ZEB1: variants seen among roughly 807,000 people sequenced by gnomAD.
ZEB1 encodes the protein zinc finger E-box binding homeobox 1, also known as zinc finger E-box-binding homeobox 1.
In ZEB1, 21 loss-of-function variants were observed where a neutral mutation model predicts 84.9. The ratio of observed to expected loss-of-function variants is 0.25; its 90% CI spans 0.18 to 0.36. The LOEUF (loss-of-function observed/expected upper bound fraction) is 0.36, where lower values mean the gene tolerates loss of function less well. Among genes scored for constraint, ZEB1 ranks in the 10% least tolerant of loss-of-function variants. ZEB1 has a pLI of 1.00. For missense variants in ZEB1, 1,104 were observed against 1,330.2 expected, an observed-to-expected ratio of 0.83 and a Z score of 2.65; for synonymous variants, 420 against 471.1, an observed-to-expected ratio of 0.89 and a Z score of 1.41.
Position 31,526,867 on chromosome 10 carries a change from G to A in ZEB1, c.2981G>A (p.Arg994His), listed in dbSNP as rs757576520. The A allele has an allele frequency of 1.7e-5, 28 of 1,614,166 alleles. No individual in the cohort carries two copies. Among genetic ancestry groups the A allele is most frequent in the East Asian group, 2.2e-5 (1 of 44,852 alleles). ...YSYCKREAEE[R>H]DSTEQEEAGP... ...TACTGTAAGAGAGAAGCGGAAGAAC[G>A]TGACAGCACAGAGCAGGAAGAGGCA... Residue 994 changes from arginine to histidine, a missense_variant, in exon 9 of 9, where the codon CGT becomes CAT. Coordinates refer to ENST00000424869, the MANE Select transcript of ZEB1 (RefSeq NM_001174096.2).
intron 1 of ZEB1, among the ~76,000 whole-genome samples, chr10:31,459,936 T>C (rs1445675837): frequency 6.6e-6 from 1 of 151,344 alleles, no homozygotes; most frequent in Non-Finnish European, 1.5e-5. Context: ...TTTTCAAGAA[T>C]TGTTGGAAAA....
chr10:31,457,184 G>C (rs1196362629), intron 1 of ZEB1, among the ~76,000 whole-genome samples: 3 of 152,038 alleles, frequency 2.0e-5, no homozygotes, highest in Non-Finnish European at 2.9e-5. Flanking sequence ...TCAGCCACAG[G>C]TTAAACAGTT....
chr10:31,327,175 A>G (rs1039704177), intron 1 of ZEB1, among the ~76,000 whole-genome samples: 2 of 140,478 alleles, frequency 1.4e-5, no homozygotes, highest in Admixed American at 1.5e-4. Flanking sequence ...TAAAGGCGCG[A>G]TATCAGCTCA....
Position 31,521,701 on chromosome 10 carries a change from T to C in ZEB1, c.2369T>C (p.Val790Ala). 4.3e-6 allele frequency: 7 copies of C among 1,614,104 alleles called. No individual in the cohort carries two copies. The highest frequency in any genetic ancestry group is 5.9e-6 in the Non-Finnish European group (7 of 1,180,006). ...AGTTGTGTTACAGACTCAGAACCAG[T>C]TGTAAATGTAATCCCACCAAGTGCC... ...KDSCVTDSEP[V>A]VNVIPPSANP... Residue 790 changes from valine to alanine, a missense_variant, in exon 7 of 9, where the codon GTT becomes GCT. Coordinates refer to ENST00000424869, the MANE Select transcript of ZEB1 (RefSeq NM_001174096.2).
intron 1 of ZEB1, among the ~76,000 whole-genome samples, chr10:31,395,008 A>G (rs938141070): frequency 2.0e-5 from 3 of 152,170 alleles, no homozygotes; most frequent in Middle Eastern, 3.2e-3. Context: ...AGTGCCCTTC[A>G]TTAAGTCCAA....
At chr10:31,416,621 C>T (rs183440150) in intron 1 of ZEB1, among the ~76,000 whole-genome samples, 1 of 152,080 alleles carries the variant, frequency 6.6e-6, no homozygotes, top group East Asian at 1.9e-4. Flanking sequence ...TTAAAATATG[C>T]CATTTGACTA....
chr10:31,363,161 C>T (rs1235746050), intron 1 of ZEB1: 11 of 1,533,876 alleles, frequency 7.2e-6, no homozygotes, highest in Admixed American at 2.0e-5. Context: ...TGCATGTCCT[C>T]CCCCACCATC....
At chr10:31,523,142 G>T (rs1404056617) in intron 7 of ZEB1, among the ~76,000 whole-genome samples, 2 of 152,204 alleles carry the variant, frequency 1.3e-5, no homozygotes, top group Non-Finnish European at 2.9e-5. Flanking sequence ...TTTAGAAAAT[G>T]TGTGGGTTTG....
intron 2 of ZEB1, among the ~76,000 whole-genome samples, chr10:31,484,553 G>A (rs1426842224): frequency 6.6e-6 from 1 of 151,954 alleles, no homozygotes; most frequent in African/African-American, 2.4e-5. Context: ...CAACCAGGCG[G>A]TCTGAGTCTG....
At chr10:31,399,675 G>A (rs565537670) in intron 1 of ZEB1, among the ~76,000 whole-genome samples, 1 of 152,162 alleles carries the variant, frequency 6.6e-6, no homozygotes, top group Admixed American at 6.5e-5. Context: ...AGGTAAAGTA[G>A]TTATATTTAA....
chr10:31,420,756 C>A (rs1437358355), intron 1 of ZEB1, among the ~76,000 whole-genome samples: 1 of 152,104 alleles, frequency 6.6e-6, no homozygotes, highest in Admixed American at 6.6e-5. Context: ...GGAGGTCAGT[C>A]ATCTTAGAAT....
intron 1 of ZEB1, among the ~76,000 whole-genome samples, chr10:31,388,920 A>T (rs556625349): frequency 6.6e-6 from 1 of 152,270 alleles, no homozygotes; most frequent in South Asian, 2.1e-4. Context: ...TAACCAAACT[A>T]AAGGTTTATT....
chr10:31,454,693 A>C (rs796151565), intron 1 of ZEB1, among the ~76,000 whole-genome samples: 4 of 152,194 alleles, frequency 2.6e-5, no homozygotes, highest in Non-Finnish European at 5.9e-5. Flanking sequence ...ACCTAGGAAT[A>C]CAGCTTACAA....
At chr10:31,465,621 G>A (rs2062324523) in intron 2 of ZEB1, among the ~76,000 whole-genome samples, 1 of 152,080 alleles carries the variant, frequency 6.6e-6, no homozygotes, top group African/African-American at 2.4e-5. Flanking sequence ...TACTATGCAT[G>A]TTTTTAATAC....
At chr10:31,464,903 A>G (rs1591552964) in intron 2 of ZEB1, among the ~76,000 whole-genome samples, 1 of 152,316 alleles carries the variant, frequency 6.6e-6, no homozygotes, top group Admixed American at 6.5e-5. Context: ...ACAAAAGAAC[A>G]CTAATTAGCA....
intron 1 of ZEB1, among the ~76,000 whole-genome samples, chr10:31,383,091 C>CAT (rs59226984): frequency 0.065 from 9,800 of 150,160 alleles, 403 homozygotes; most frequent in African/African-American, 0.12. Flanking sequence ...AATTATTTTA[C>CAT]ATATATATAT....
chr10:31,373,303 T>C, intron 1 of ZEB1: 1 of 831,656 alleles, frequency 1.2e-6, no homozygotes, highest in African/African-American at 1.9e-5. Flanking sequence ...GAATTTTATA[T>C]GTCTGTCACT....
intron 1 of ZEB1, among the ~76,000 whole-genome samples, chr10:31,331,355 G>T (rs1016755593): frequency 2.6e-5 from 4 of 151,784 alleles, no homozygotes; most frequent in Admixed American, 6.6e-5. Flanking sequence ...CAAAGTGCTG[G>T]GATTACAGGC....
chr10:31,407,099 TTTA>T (rs1415245222), intron 1 of ZEB1, among the ~76,000 whole-genome samples: 1 of 151,798 alleles, frequency 6.6e-6, no homozygotes, highest in Non-Finnish European at 1.5e-5. Context: ...TATTTATTTA[TTTA>T]TTATTATTAT....
Sources: gnomAD v4.1 joint callset for allele counts (sites outside exome capture counted in the v4.1 genomes callset) on GRCh38, gnomAD v4.1.1 for gene constraint, MANE v1.5 for transcripts, NCBI Gene and HGNC (gene_info 2026-07-23, HGNC 2026-07-21) for gene names.